ZNF277: variants seen among roughly 807,000 people sequenced by gnomAD.
ZNF277 encodes zinc finger protein 277.
A neutral mutation model predicts 60.7 loss-of-function variants in ZNF277; 55 were observed. The ratio of observed to expected loss-of-function variants is 0.91; its 90% CI spans 0.73 to 1.13. ZNF277 has a LOEUF of 1.13. Ranked by LOEUF, ZNF277 falls within the 50% of genes most tolerant of loss-of-function variation. The pLI, the probability that ZNF277 is intolerant of heterozygous loss-of-function variation, is 0.00. For missense variants in ZNF277, 510 were observed against 523.0 expected (o/e 0.98, Z 0.24); for synonymous variants, 178 against 179.3 (o/e 0.99, Z 0.06).
chr7:112,238,798 T>G, intron 1 of ZNF277, among the ~76,000 whole-genome samples: 1 of 142,076 alleles, frequency 7.0e-6, no homozygotes. Context: ...TTTTACTTAA[T>G]TTTTTTTTTA....
intron 5 of ZNF277, among the ~76,000 whole-genome samples, chr7:112,322,457 T>C (rs993231923): frequency 3.7e-4 from 56 of 152,204 alleles, no homozygotes; most frequent in African/African-American, 1.3e-3. Flanking sequence ...CTCTAGTCAA[T>C]TTCTTATTTC....
intron 9 of ZNF277, among the ~76,000 whole-genome samples, chr7:112,339,534 G>T (rs1290458285): frequency 3.3e-5 from 5 of 152,202 alleles, no homozygotes; most frequent in Non-Finnish European, 5.9e-5. Context: ...GGCCAGGCTG[G>T]TCTCAAACTC....
Position 112,284,832 on chromosome 7 carries a change from C to T in ZNF277, c.92-2041C>T, listed in dbSNP as rs545216124. Among the ~76,000 whole-genome samples the T allele has an allele frequency of 1.1e-4, 16 of 152,236 alleles. No homozygotes were observed. The South Asian group carries it at 3.3e-3, about 32-fold the overall frequency. On this transcript the variant is annotated intron_variant, in intron 1 of 11. Transcript: ENST00000361822. ...CCTTCTCCAGCTCAGTTAAGTGACT[C>T]CCCCAACCGCTGCTGCTGTAAACCC... is the stretch of plus-strand genomic sequence containing the variant.
chr7:112,303,878 C>G lies in ZNF277; in HGVS notation c.465+7567C>G, dbSNP rs1170571106. On this transcript the variant is annotated intron_variant, in intron 4 of 11. Coordinates refer to ENST00000361822, the MANE Select transcript of ZNF277 (RefSeq NM_021994.3). ...GAGACTCAAAAGTAGAAGAAAAATA[C>G]TATATTTCTATCCTGTATAGCAAGC... Among the ~76,000 whole-genome samples the G allele has an allele frequency of 4.6e-5, 7 of 152,014 alleles. No homozygotes were observed. In the East Asian group the frequency reaches 1.3e-3, roughly 29 times the overall value.
At chr7:112,306,212 C>CTTTT (rs555931160) in intron 4 of ZNF277, among the ~76,000 whole-genome samples, 12 of 116,904 alleles carry the variant, frequency 1.0e-4, no homozygotes, top group South Asian at 2.7e-4. Flanking sequence ...TCTGAATGTT[C>CTTTT]TTTTTTTTTT....
At chr7:112,237,717 T>A (rs1790837903) in intron 1 of ZNF277, among the ~76,000 whole-genome samples, 1 of 152,040 alleles carries the variant, frequency 6.6e-6, no homozygotes, top group Non-Finnish European at 1.5e-5. Context: ...CAGGACCATA[T>A]GGTTTCCAGC....
In ZNF277 at chr7:112,230,252, C is replaced by T. The variant is rs547099518; in HGVS notation, c.91+23445C>T. On this transcript the variant is annotated intron_variant, in intron 1 of 11. Coordinates refer to ENST00000361822, the MANE Select transcript of ZNF277 (RefSeq NM_021994.3). ...GACCAGCCTGGCCAACATGGTGAAA[C>T]CTCATCTCTACTAGAAACAGCCTGT... Among the ~76,000 whole-genome samples, 9 of 152,230 alleles carry T rather than the reference C, an allele frequency of 5.9e-5. No individual in the cohort carries two copies. In the East Asian group the frequency reaches 1.7e-3, roughly 29 times the overall value.
At chr7:112,218,307 T>A (rs1197706870) in intron 1 of ZNF277, among the ~76,000 whole-genome samples, 1 of 152,200 alleles carries the variant, frequency 6.6e-6, no homozygotes, top group Non-Finnish European at 1.5e-5. Context: ...AGAACCACAA[T>A]AGACTTCAGT....
chr7:112,222,719 G>T (rs1198414262), intron 1 of ZNF277, among the ~76,000 whole-genome samples: 1 of 152,162 alleles, frequency 6.6e-6, no homozygotes, highest in Admixed American at 6.5e-5. Flanking sequence ...ATATGAATAG[G>T]CATGTGTGAT....
intron 1 of ZNF277, among the ~76,000 whole-genome samples, chr7:112,221,941 A>G (rs1309845776): frequency 1.3e-5 from 2 of 152,216 alleles, no homozygotes; most frequent in East Asian, 3.8e-4. Context: ...CTTTCTCCAC[A>G]TCTATGGAGT....
At chr7:112,321,553 A>C (rs1347537429) in intron 5 of ZNF277, among the ~76,000 whole-genome samples, 1 of 151,994 alleles carries the variant, frequency 6.6e-6, no homozygotes, top group African/African-American at 2.4e-5. Context: ...AATTACCTTT[A>C]CTGGTGATCT....
chr7:112,331,373 G>A (rs1054823903), intron 7 of ZNF277, among the ~76,000 whole-genome samples: 11 of 152,156 alleles, frequency 7.2e-5, no homozygotes, highest in African/African-American at 2.7e-4. Flanking sequence ...GAAAAACAGA[G>A]AGTTCTGTTT....
At chr7:112,244,696 C>A (rs771695557) in intron 1 of ZNF277, among the ~76,000 whole-genome samples, 1 of 152,068 alleles carries the variant, frequency 6.6e-6, no homozygotes, top group Non-Finnish European at 1.5e-5. Flanking sequence ...CTTTCTTTTA[C>A]AATACTTGAA....
chr7:112,277,476 C>G (rs1366201035), intron 1 of ZNF277, among the ~76,000 whole-genome samples: 1 of 152,132 alleles, frequency 6.6e-6, no homozygotes, highest in Admixed American at 6.5e-5. Flanking sequence ...TTCCCGAAAC[C>G]CCAGTCTCTC....
chr7:112,311,426 G>C (rs919411223), intron 4 of ZNF277, among the ~76,000 whole-genome samples: 2 of 152,030 alleles, frequency 1.3e-5, no homozygotes, highest in African/African-American at 4.8e-5. Context: ...CAGCTTCTTT[G>C]AGAGGCTCAA....
intron 4 of ZNF277, 88 bp downstream of exon 4, chr7:112,296,399 T>G: frequency 1.5e-6 from 1 of 658,616 alleles, no homozygotes; most frequent in Non-Finnish European, 2.4e-6. Context: ...TTTTTTACTT[T>G]TTGTTATGGA....
chr7:112,284,623 A>G (rs1333085806), intron 1 of ZNF277, among the ~76,000 whole-genome samples: 2 of 152,172 alleles, frequency 1.3e-5, no homozygotes, highest in Non-Finnish European at 2.9e-5. Context: ...AGTTTTGTTA[A>G]TAGTGCTTCT....
intron 4 of ZNF277, among the ~76,000 whole-genome samples, chr7:112,296,912 A>ATTTATTTTTTTAT (rs1563219694): frequency 2.5e-5 from 1 of 39,658 alleles, no homozygotes; most frequent in Non-Finnish European, 6.6e-5. Context: ...TTATTTATTT[A>ATTTATTTTTTTAT]TTTTTTTTTT....
chr7:112,301,887 T>A (rs1792479234), intron 4 of ZNF277, among the ~76,000 whole-genome samples: 1 of 152,156 alleles, frequency 6.6e-6, no homozygotes. Flanking sequence ...GGCTTGTAAT[T>A]TCTATAAAGC....
Sources: allele counts gnomAD v4.1 joint callset (sites outside exome capture counted in the v4.1 genomes callset), GRCh38; gene constraint gnomAD v4.1.1; transcripts MANE v1.5; gene names NCBI Gene and HGNC (gene_info 2026-07-23, HGNC 2026-07-21).